ADAM8: variants seen among roughly 807,000 people sequenced by gnomAD.
The protein encoded by ADAM8 is ADAM metallopeptidase domain 8.
Under a neutral mutation model 102.4 loss-of-function variants are expected in ADAM8, and 104 were observed. The ratio of observed to expected loss-of-function variants is 1.02; its 90% CI spans 0.87 to 1.20. The LOEUF (loss-of-function observed/expected upper bound fraction) is 1.20, where lower values mean the gene tolerates loss of function less well. Among genes scored for constraint, ADAM8 ranks in the 50% most tolerant of loss-of-function variants. The pLI, the probability that ADAM8 is intolerant of heterozygous loss-of-function variation, is 0.00. For synonymous variants in ADAM8, 517 were observed against 485.2 expected, an observed-to-expected ratio of 1.07 and a Z score of -0.86; for missense variants, 1,132 against 1,159.0, an observed-to-expected ratio of 0.98 and a Z score of 0.34.
At chr10:133,266,942 G>C (rs1345409928) in intron 21 of ADAM8, among the ~76,000 whole-genome samples, 1 of 151,746 alleles carries the variant, frequency 6.6e-6, no homozygotes, top group South Asian at 2.1e-4. Context: ...GGTTTTGAGA[G>C]ATCTTTCCAA....
Position 133,273,325 on chromosome 10 carries a change from C to T in ADAM8, c.502G>A (p.Gly168Arg), listed in dbSNP as rs765252608. The change falls in exon 6 of 23, where the codon GGG becomes AGG. Residue 168 changes from glycine to arginine, a missense_variant. Physicochemically the swap from Gly to Arg is moderately radical, Grantham distance 125. Coordinates refer to ENST00000445355, the MANE Select transcript of ADAM8 (RefSeq NM_001109.5). Reference protein sequence around the residue: ...EHLLQTAGTCGVSDDSLGSLL... With the variant: ...EHLLQTAGTCRVSDDSLGSLL... ...CTGCCCAGGCTGTCGTCGCTGACCC[C>T]GCAGGTCCCGGCCGTCTGCAGCAGG... is the stretch of plus-strand genomic sequence containing the variant. 28 of 1,579,824 alleles carry T rather than the reference C, an allele frequency of 1.8e-5. No individual in the cohort carries two copies. The highest frequency in any genetic ancestry group is 4.7e-5 in the East Asian group (2 of 42,870).
rs941357272 is a variant in ADAM8, at chr10:133,262,859, A to G, written c.*297T>C. 2.2e-6 allele frequency: 1 copy of G among 465,042 alleles called. No individual in the cohort carries two copies. The highest frequency in any genetic ancestry group is 2.0e-5 in the African/African-American group (1 of 50,342). The allele number at this position is 465,042 out of a possible 1,614,324, so 28.8% of individuals were successfully genotyped here. A position where few individuals can be genotyped will look rare whatever the true frequency, so the allele number is the denominator to read the frequency against. On this transcript the variant is annotated 3_prime_UTR_variant, in exon 23 of 23. Coordinates refer to ENST00000445355, the MANE Select transcript of ADAM8 (RefSeq NM_001109.5). ...TGTGGCCTCCTGAACACAGCGGGAG[A>G]CCAGCGGCCACCTGGAGACACGTAC...
chr10:133,271,363 C>T, intron 12 of ADAM8, 74 bp from the exon 13 acceptor site: 1 of 1,531,868 alleles, frequency 6.5e-7, no homozygotes, highest in Non-Finnish European at 8.8e-7. Context: ...TGGCCGCCTC[C>T]CCTGACCACT....
chr10:133,275,561 G>C lies in ADAM8; in HGVS notation c.73C>G (p.Leu25Val). ...PAIAPSRPWA[L>V]MEQYEVVLPW... ...AACACGACCTCATACTGCTCCATGA[G>C]GGCCCAGGGCCGGCTGGGGGCAATC... The change falls in exon 2 of 23, where the codon CTC becomes GTC. Residue 25 changes from leucine (L) to valine (V), a missense_variant. Coordinates refer to ENST00000445355, the MANE Select transcript of ADAM8 (RefSeq NM_001109.5). The C allele has an allele frequency of 6.7e-7, 1 of 1,494,476 alleles. No homozygotes were observed. Among genetic ancestry groups the C allele is most frequent in the South Asian group, 1.3e-5 (1 of 75,548 alleles). The allele number at this position is 1,494,476 out of a possible 1,614,324, so 92.6% of individuals were successfully genotyped here. A position where few individuals can be genotyped will look rare whatever the true frequency, so the allele number is the denominator to read the frequency against.
In ADAM8 at chr10:133,271,536, G is replaced by A. The variant is rs1362167605; in HGVS notation, c.1276C>T (p.Pro426Ser). The change falls in exon 12 of 23, where the codon CCC (proline) becomes TCC (serine). Residue 426 changes from proline (P) to serine (S), a missense_variant. Pro to Ser is a moderately conservative substitution (Grantham distance 74). Transcript: ENST00000445355. ...VERGEQCDCG[P>S]PEDCRNRCCN... Reference sequence around the variant, plus strand: ...ATGGGGCATGGACGCACCTCGGGGGGGCCGCAGTCGCACTGCTCCCCACGC... The same window carrying A: ...ATGGGGCATGGACGCACCTCGGGGGAGCCGCAGTCGCACTGCTCCCCACGC... The A allele has an allele frequency of 1.3e-6, 2 of 1,554,462 alleles. No individual in the cohort carries two copies. Among genetic ancestry groups the A allele is most frequent in the Non-Finnish European group, 1.7e-6 (2 of 1,149,152 alleles).
chr10:133,268,080 G>T lies in ADAM8; in HGVS notation c.2102C>A (p.Pro701His). The T allele has an allele frequency of 1.6e-6, 2 of 1,274,790 alleles. No homozygotes were observed. The highest frequency in any genetic ancestry group is 3.8e-5 in the South Asian group (1 of 26,622). The allele number at this position is 1,274,790 out of a possible 1,614,324, so 79.0% of individuals were successfully genotyped here. Reference protein sequence around the residue: ...APKTTMGRSNPLFHQAASRVP... With the variant: ...APKTTMGRSNHLFHQAASRVP... ...GCGGCTGGCAGCCTGGTGGAACAGG[G>T]GGTTGGAGCGCCCCATTGTGGTCTT... Residue 701 changes from proline to histidine, a missense_variant, in exon 20 of 23, where the codon CCC becomes CAC. Physicochemically the swap from Pro to His is moderately conservative, Grantham distance 77. Coordinates refer to ENST00000445355, the MANE Select transcript of ADAM8 (RefSeq NM_001109.5).
At position 133,272,504 on chromosome 10, in the gene ADAM8, C is replaced by A. The variant is rs1023195047; in HGVS notation, c.787G>T (p.Asp263Tyr). 19 of 1,612,206 alleles carry A rather than the reference C, an allele frequency of 1.2e-5. No individual in the cohort carries two copies. The highest frequency in any genetic ancestry group is 1.6e-5 in the Non-Finnish European group (19 of 1,179,862). ...AGGTTCTCCAGTGTGACACTGGGGT[C>A]GGGGCTGACGTGGAACCTGTCCTGA... ...NSQDRFHVSP[D>Y]PSVTLENLLT... is the part of the protein sequence containing the mutation. Residue 263 changes from aspartate to tyrosine, a missense_variant, in exon 9 of 23, where the codon GAC becomes TAC. Transcript: ENST00000445355.
chr10:133,264,424 C>T (rs1846259858), intron 21 of ADAM8, among the ~76,000 whole-genome samples: 1 of 152,208 alleles, frequency 6.6e-6, no homozygotes, highest in South Asian at 2.1e-4. Context: ...TAATTAGCTA[C>T]TAAAACACGT....
rs1252138085 is a variant in ADAM8, at chr10:133,263,016, A to G, written c.*140T>C. 4.9e-6 allele frequency: 5 copies of G among 1,022,426 alleles called. No individual in the cohort carries two copies. The South Asian group carries it at 5.3e-5, about 11-fold the overall frequency. 63.3% of individuals were successfully genotyped at this position (1,022,426 alleles called of 1,614,324 possible). On this transcript the variant is annotated 3_prime_UTR_variant, in exon 23 of 23. Coordinates refer to ENST00000445355, the MANE Select transcript of ADAM8 (RefSeq NM_001109.5). ...CAGCAGGAGCCTCTCAGGTAGATGC[A>G]TTCCTGAGGTTAGAACAGCAGCTGA...
At chr10:133,272,168 C>T in intron 10 of ADAM8, 25 bp downstream of exon 10, 1 of 1,549,196 alleles carries the variant, frequency 6.5e-7, no homozygotes. Context: ...CTCGGCCTGG[C>T]AAACCCGGGC....
chr10:133,273,332 C>T lies in ADAM8; in HGVS notation c.495G>A (p.Gly165=), dbSNP rs1371664699. 2 of 1,576,324 alleles carry T rather than the reference C, an allele frequency of 1.3e-6. No homozygotes were observed. The highest frequency in any genetic ancestry group is 1.8e-5 in the Admixed American group (1 of 55,126). The part of the protein sequence containing the change: ...YQAEHLLQTA[G]TCGVSDDSLG... ...GGCTGTCGTCGCTGACCCCGCAGGT[C>T]CCGGCCGTCTGCAGCAGGTGCTCAG... is the stretch of plus-strand genomic sequence containing the variant. Residue 165 remains glycine (G), a synonymous_variant, in exon 6 of 23, where the codon GGG becomes GGA. Transcript: ENST00000445355.
In ADAM8 at chr10:133,265,163, C is replaced by G. The variant is rs571557422; in HGVS notation, c.2320-1398G>C. Among the ~76,000 whole-genome samples, 114 of 144,692 alleles carry G rather than the reference C, an allele frequency of 7.9e-4. 1 individual carries two copies. The highest frequency in any genetic ancestry group is 2.5e-3 in the African/African-American group (95 of 38,314). 94.9% of individuals were successfully genotyped at this position (144,692 alleles called of 152,430 possible). A position where few individuals can be genotyped will look rare whatever the true frequency, so the allele number is the denominator to read the frequency against. ...CCATGCCCAGCTCCTGCTGCAGCCT[C>G]TGCCCCATCTACCTCCACGCCCAGC... On this transcript the variant is annotated intron_variant, in intron 21 of 22. Transcript: ENST00000445355.
chr10:133,267,409 G>T lies in ADAM8; in HGVS notation c.2262C>A (p.Val754=). 2 of 1,609,508 alleles carry T rather than the reference G, an allele frequency of 1.2e-6. No individual in the cohort carries two copies. The highest frequency in any genetic ancestry group is 2.2e-5 in the South Asian group (2 of 89,906). The part of the protein sequence containing the change: ...ALKRPPPAPP[V]TVSSPPFPVP... ...CTGGGAAGGGTGGGCTGGACACAGT[G>T]ACCGGAGGCTGGAGGAGACAGGGCC... Residue 754 remains valine, a synonymous_variant, in exon 21 of 23, where the codon GTC becomes GTA. Coordinates refer to ENST00000445355, the MANE Select transcript of ADAM8 (RefSeq NM_001109.5).
chr10:133,271,892 C>G lies in ADAM8; in HGVS notation c.1020G>C (p.Leu340=). The G allele has an allele frequency of 6.2e-7, 1 of 1,612,646 alleles. No individual in the cohort carries two copies. The highest frequency in any genetic ancestry group is 8.5e-7 in the Non-Finnish European group (1 of 1,179,856). Residue 340 remains leucine (L), a synonymous_variant, in exon 11 of 23, where the codon CTG becomes CTC. Coordinates refer to ENST00000445355, the MANE Select transcript of ADAM8 (RefSeq NM_001109.5). The part of the protein sequence containing the change: ...CTMAHEMGHN[L]GMDHDENVQG... ...GGACGTTCTCATCATGGTCCATGCC[C>G]AGGTTGTGGCCCATCTCATGGGCCA...
intron 21 of ADAM8, among the ~76,000 whole-genome samples, chr10:133,265,755 G>A (rs1846306527): frequency 2.0e-5 from 3 of 151,512 alleles, no homozygotes; most frequent in Non-Finnish European, 4.4e-5. Context: ...CTGAGATCGC[G>A]CCACTGCACT....
chr10:133,271,478 A>G (rs746418541), intron 12 of ADAM8, 50 bp downstream of exon 12: 3 of 1,512,940 alleles, frequency 2.0e-6, no homozygotes, highest in Non-Finnish European at 1.8e-6. Flanking sequence ...GAAGGGACAG[A>G]GGTTGTGGCA....
chr10:133,274,208 C>T lies in ADAM8; in HGVS notation c.178G>A (p.Val60Ile), dbSNP rs756639059. The T allele has an allele frequency of 1.6e-5, 25 of 1,582,272 alleles. No homozygotes were observed. Among genetic ancestry groups the T allele is most frequent in the East Asian group, 1.1e-4 (5 of 44,544 alleles). The change falls in exon 3 of 23, where the codon GTC becomes ATC. Residue 60 changes from valine to isoleucine, a missense_variant. By Grantham distance (29) the Val-to-Ile change is conservative. Transcript: ENST00000445355. ...LGLHPERVSY[V>I]LGATGHNFTL... The stretch of plus-strand genomic sequence containing the variant: ...AAGTTGTGCCCTGTGGCCCCAAGGA[C>T]GTAGCTCACCCTCTCTGGGTGCAGG...
intron 18 of ADAM8, chr10:133,269,150 C>A (rs533266044): frequency 1.0e-6 from 1 of 985,334 alleles, no homozygotes; most frequent in Non-Finnish European, 1.2e-6. Context: ...TGCTGGGTGG[C>A]CTCAGGGCCC....
chr10:133,267,869 C>A lies in ADAM8; in HGVS notation c.2253+60G>T, dbSNP rs993213570. 7.2e-6 allele frequency: 9 copies of A among 1,246,750 alleles called. No individual in the cohort carries two copies. In the Admixed American group the frequency reaches 3.0e-4, roughly 41 times the overall value. The allele number at this position is 1,246,750 out of a possible 1,614,324, so 77.2% of individuals were successfully genotyped here. A position where few individuals can be genotyped will look rare whatever the true frequency, so the allele number is the denominator to read the frequency against. ...GCTGGCCTCGGGCTGCACTTGGGGT[C>A]GCAGGATGGGGCCTGGGCACTGCTT... On this transcript the variant is annotated intron_variant, in intron 20 of 22. Transcript: ENST00000445355.
Sources: gnomAD v4.1 joint callset for allele counts (sites outside exome capture counted in the v4.1 genomes callset) on GRCh38, gnomAD v4.1.1 for gene constraint, MANE v1.5 for transcripts, NCBI Gene and HGNC (gene_info 2026-07-23, HGNC 2026-07-21) for gene names.